The following PPP2R2B variants were observed in gnomAD, a reference collection of about 807,000 sequenced individuals.
The protein encoded by PPP2R2B is serine/threonine-protein phosphatase 2A 55 kDa regulatory subunit B beta isoform.
Under a neutral mutation model 46.0 loss-of-function variants are expected in PPP2R2B, and 5 were observed. The observed-to-expected ratio is 0.11, with a 90% CI of 0.06 to 0.23. PPP2R2B has a LOEUF of 0.23. Among genes scored for constraint, PPP2R2B ranks in the 10% least tolerant of loss-of-function variants. The pLI, the probability that PPP2R2B is intolerant of heterozygous loss-of-function variation, is 1.00. For synonymous variants in PPP2R2B, 215 were observed against 206.7 expected (o/e 1.04, Z -0.34); for missense variants, 367 against 575.0 (o/e 0.64, Z 3.70).
chr5:147,036,715 G>A (rs1264626671), intron 1 of PPP2R2B, among the ~76,000 whole-genome samples: 5 of 152,156 alleles, frequency 3.3e-5, no homozygotes, highest in African/African-American at 1.2e-4. Context: ...CATTCTGACT[G>A]TGAGATGGTA....
intron 2 of PPP2R2B, among the ~76,000 whole-genome samples, chr5:147,061,439 T>C (rs1307679211): frequency 6.6e-6 from 1 of 152,194 alleles, no homozygotes; most frequent in Non-Finnish European, 1.5e-5. Flanking sequence ...CTCACCGAGA[T>C]TTCCTCTTCT....
intron 2 of PPP2R2B, chr5:146,706,648 C>A: frequency 2.4e-6 from 2 of 832,152 alleles, no homozygotes; most frequent in South Asian, 2.7e-5. Context: ...GAAATCCTCC[C>A]GCCTTTGAGG....
At chr5:146,925,193 T>G (rs931873929) in intron 1 of PPP2R2B, among the ~76,000 whole-genome samples, 6 of 152,198 alleles carry the variant, frequency 3.9e-5, no homozygotes, top group African/African-American at 1.4e-4. Flanking sequence ...AGAAAAAATA[T>G]ATTTTATGGA....
intron 5 of PPP2R2B, among the ~76,000 whole-genome samples, chr5:146,682,683 T>C (rs1778256192): frequency 6.6e-6 from 1 of 152,228 alleles, no homozygotes; most frequent in African/African-American, 2.4e-5. Context: ...ACTTAATAAA[T>C]GTCTGCAATA....
At chr5:146,664,133 C>T (rs1776837752) in intron 5 of PPP2R2B, among the ~76,000 whole-genome samples, 2 of 152,140 alleles carry the variant, frequency 1.3e-5, no homozygotes, top group South Asian at 4.1e-4. Context: ...AGCCACCGCG[C>T]CTGGCTGGCT....
intron 1 of PPP2R2B, among the ~76,000 whole-genome samples, chr5:147,015,561 C>T (rs983784426): frequency 6.6e-6 from 1 of 151,584 alleles, no homozygotes; most frequent in Non-Finnish European, 1.5e-5. Context: ...AGGAAACCAT[C>T]TGTCTCTGCC....
chr5:146,790,687 T>C (rs570570326), intron 2 of PPP2R2B, among the ~76,000 whole-genome samples: 1 of 152,352 alleles, frequency 6.6e-6, no homozygotes, highest in East Asian at 1.9e-4. Flanking sequence ...CTCCCAAGGA[T>C]AAATCCACCT....
At chr5:146,775,176 C>G (rs1457629938) in intron 2 of PPP2R2B, among the ~76,000 whole-genome samples, 2 of 152,068 alleles carry the variant, frequency 1.3e-5, no homozygotes, top group Non-Finnish European at 2.9e-5. Flanking sequence ...TAAAGTCAGA[C>G]AGACAACACA....
chr5:146,700,841 TAAGGCCATGCCCAGAA>T (rs1769597951), intron 3 of PPP2R2B, among the ~76,000 whole-genome samples, 188 bp downstream of exon 3: 1 of 152,152 alleles, frequency 6.6e-6, no homozygotes, highest in African/African-American at 2.4e-5. Flanking sequence ...CGTAGAAAGA[TAAGGCCATGCCCAGAA>T]AAGGCTCTCT....
intron 1 of PPP2R2B, among the ~76,000 whole-genome samples, chr5:146,910,909 G>T (rs1336855925): frequency 6.6e-6 from 1 of 152,068 alleles, no homozygotes; most frequent in African/African-American, 2.4e-5. Flanking sequence ...CTTCCTTTGG[G>T]TTCTTAAATA....
In PPP2R2B at chr5:147,002,475, T is replaced by C. The variant is rs575269336; in HGVS notation, c.79+53190A>G. 2.6e-5 allele frequency among the ~76,000 whole-genome samples: 4 copies of C among 152,240 alleles called. No individual in the cohort carries two copies. In the South Asian group the frequency reaches 8.3e-4, roughly 32 times the overall value. ...GCATAACATCTTTATAGGAAATGGA[T>C]AAAGTCCCAATACTAACAGGAGAAT... is the stretch of plus-strand genomic sequence containing the variant. On this transcript the variant is annotated intron_variant, in intron 1 of 8. Coordinates refer to the PPP2R2B transcript ENST00000336640.
intron 1 of PPP2R2B, among the ~76,000 whole-genome samples, chr5:146,899,582 A>G (rs1181596050): frequency 1.3e-5 from 2 of 151,972 alleles, no homozygotes; most frequent in East Asian, 3.9e-4. Flanking sequence ...TATGTAACTA[A>G]CCTGCACATT....
chr5:146,909,825 A>T (rs1763118949), intron 1 of PPP2R2B, among the ~76,000 whole-genome samples: 2 of 152,190 alleles, frequency 1.3e-5, no homozygotes. Context: ...ATTATTAATA[A>T]TTCAATCATA....
upstream of PPP2R2B, among the ~76,000 whole-genome samples, chr5:147,056,741 A>C (rs11746185): frequency 0.46 from 70,661 of 152,038 alleles, 19,941 homozygotes; most frequent in Middle Eastern, 0.68. Flanking sequence ...GGACATGACC[A>C]ACCACAAGAT....
At chr5:147,030,845 T>C (rs1053359440) in intron 1 of PPP2R2B, among the ~76,000 whole-genome samples, 1 of 152,216 alleles carries the variant, frequency 6.6e-6, no homozygotes, top group Non-Finnish European at 1.5e-5. Flanking sequence ...TTCATTTTTC[T>C]ATCAACATAC....
chr5:146,934,109 C>T (rs1764061301), intron 1 of PPP2R2B, among the ~76,000 whole-genome samples: 2 of 152,012 alleles, frequency 1.3e-5, no homozygotes, highest in Admixed American at 6.6e-5. Flanking sequence ...GGTTCCAAGT[C>T]TTTGCTATTG....
chr5:146,994,590 C>G (rs756393509), intron 1 of PPP2R2B, among the ~76,000 whole-genome samples: 1 of 152,102 alleles, frequency 6.6e-6, no homozygotes, highest in Admixed American at 6.6e-5. Flanking sequence ...GTGAAGAAAG[C>G]CACTATAGTA....
chr5:146,834,030 T>G (rs1281347137), intron 2 of PPP2R2B, among the ~76,000 whole-genome samples: 3 of 152,160 alleles, frequency 2.0e-5, no homozygotes, highest in African/African-American at 7.2e-5. Flanking sequence ...TTCTTACTGC[T>G]TCTCCAATTA....
intron 5 of PPP2R2B, among the ~76,000 whole-genome samples, chr5:146,657,340 T>C (rs565406942): frequency 6.6e-6 from 1 of 152,128 alleles, no homozygotes; most frequent in Non-Finnish European, 1.5e-5. Flanking sequence ...AGAGAAGAGA[T>C]GGCCAGATAG....
Sources: allele counts gnomAD v4.1 joint callset (sites outside exome capture counted in the v4.1 genomes callset), GRCh38; gene constraint gnomAD v4.1.1; transcripts MANE v1.5; gene names NCBI Gene and HGNC (gene_info 2026-07-23, HGNC 2026-07-21).